The following CSMD1 variants were observed in gnomAD, a reference collection of about 807,000 sequenced individuals.
CSMD1 encodes CUB and Sushi multiple domains 1.
CSMD1 carries 213 observed loss-of-function variants against 417.5 expected under a neutral mutation model. The observed-to-expected ratio is 0.51, with a 90% CI of 0.46 to 0.57. The LOEUF is 0.57. Among genes scored for constraint, CSMD1 ranks in the 20% least tolerant of loss-of-function variants. The probability of loss-of-function intolerance (pLI) is 0.00; values close to 1 mark genes in which losing one functional copy is unlikely to be tolerated. For missense variants in CSMD1, 6,923 were observed against 4,529.7 expected, an observed-to-expected ratio of 1.53 and a Z score of -15.17; for synonymous variants, 2,862 against 1,736.8, an observed-to-expected ratio of 1.65 and a Z score of -16.11.
intron 9 of CSMD1, among the ~76,000 whole-genome samples, chr8:3,584,577 T>A (rs977996342): frequency 2.6e-5 from 4 of 152,160 alleles, no homozygotes; most frequent in African/African-American, 9.7e-5. Flanking sequence ...GAGAAAGGGC[T>A]TTGAGTTTAA....
chr8:4,028,417 G>C (rs1444791979), intron 4 of CSMD1, among the ~76,000 whole-genome samples: 2 of 152,014 alleles, frequency 1.3e-5, no homozygotes, highest in East Asian at 1.9e-4. Context: ...TGGGGTGGTG[G>C]TAGTAGTAGC....
chr8:3,278,411 G>T (rs977297547), intron 26 of CSMD1: 1 of 152,068 alleles, frequency 6.6e-6, no homozygotes, highest in African/African-American at 2.4e-5. Context: ...TATTTCACAT[G>T]TTACTGACAT....
intron 2 of CSMD1, among the ~76,000 whole-genome samples, chr8:4,547,294 G>T (rs886854969): frequency 6.6e-6 from 1 of 152,120 alleles, no homozygotes; most frequent in Non-Finnish European, 1.5e-5. Context: ...AAATGTAAAG[G>T]CATTATAACT....
intron 1 of CSMD1, among the ~76,000 whole-genome samples, chr8:4,806,177 C>G (rs752689140): frequency 3.9e-5 from 6 of 152,094 alleles, no homozygotes; most frequent in Non-Finnish European, 8.8e-5. Flanking sequence ...TGTGAAGCAC[C>G]CAGACAGCCA....
chr8:3,272,748 A>G (rs533272441), intron 26 of CSMD1, among the ~76,000 whole-genome samples: 3 of 148,426 alleles, frequency 2.0e-5, no homozygotes, highest in African/African-American at 7.5e-5. Flanking sequence ...TTGTTGGTGT[A>G]TAAGAATGCT....
rs73498556 is a variant in CSMD1 at position 4,237,155 on chromosome 8, T to C, written c.415+182798A>G. The stretch of plus-strand genomic sequence containing the variant: ...GAAGCCCTAAAGAAATTCTTACTGA[T>C]TGAAACTCATCAAGCTCCCTTCGCC... On this transcript the variant is annotated intron_variant, in intron 3 of 69. Transcript: ENST00000635120. Among the ~76,000 whole-genome samples the C allele has an allele frequency of 1.7e-3, 254 of 152,328 alleles. 2 individuals are homozygous for C. Among genetic ancestry groups the C allele is most frequent in the African/African-American group, 5.7e-3 (237 of 41,572 alleles).
At chr8:3,752,747 G>C (rs902540593) in intron 6 of CSMD1, among the ~76,000 whole-genome samples, 3 of 150,562 alleles carry the variant, frequency 2.0e-5, no homozygotes, top group Non-Finnish European at 4.4e-5. Flanking sequence ...TCTGAGGCAG[G>C]AAGTTCTGCG....
At chr8:3,986,102 G>A (rs1367776556) in intron 5 of CSMD1, among the ~76,000 whole-genome samples, 1 of 151,934 alleles carries the variant, frequency 6.6e-6, no homozygotes, top group Non-Finnish European at 1.5e-5. Context: ...TCGTATCTGG[G>A]AGCTACAAGT....
intron 18 of CSMD1, among the ~76,000 whole-genome samples, chr8:3,385,297 C>T (rs1201891592): frequency 1.3e-5 from 2 of 148,502 alleles, no homozygotes; most frequent in Admixed American, 6.8e-5. Flanking sequence ...GTATATAGGC[C>T]TTTACATTTC....
At chr8:4,015,640 G>C (rs1163672708) in intron 4 of CSMD1, among the ~76,000 whole-genome samples, 2 of 61,752 alleles carry the variant, frequency 3.2e-5, no homozygotes, top group Non-Finnish European at 6.5e-5. Flanking sequence ...TCTCAAAATA[G>C]ATAAAAATCA....
At chr8:4,258,809 G>A (rs1044716030) in intron 3 of CSMD1, among the ~76,000 whole-genome samples, 1 of 152,044 alleles carries the variant, frequency 6.6e-6, no homozygotes, top group Non-Finnish European at 1.5e-5. Context: ...AACTCTAAGG[G>A]CACAGCAGCA....
At chr8:3,196,797 T>C (rs1796729486) in intron 33 of CSMD1, among the ~76,000 whole-genome samples, 1 of 152,136 alleles carries the variant, frequency 6.6e-6, no homozygotes, top group Non-Finnish European at 1.5e-5. Flanking sequence ...TGGAGACCAG[T>C]GAGTTGTGAG....
chr8:3,643,296 G>C (rs559382899), intron 7 of CSMD1, among the ~76,000 whole-genome samples: 1 of 152,018 alleles, frequency 6.6e-6, no homozygotes, highest in Non-Finnish European at 1.5e-5. Flanking sequence ...ATGGAAAGGA[G>C]GGACGGGCAA....
chr8:4,272,251 C>A (rs1451623227), intron 3 of CSMD1, among the ~76,000 whole-genome samples: 1 of 152,100 alleles, frequency 6.6e-6, no homozygotes, highest in Non-Finnish European at 1.5e-5. Flanking sequence ...TTAATAGGTT[C>A]TTCGAATCTG....
intron 10 of CSMD1, among the ~76,000 whole-genome samples, chr8:3,535,212 C>G (rs1424360118): frequency 1.3e-5 from 2 of 152,080 alleles, no homozygotes; most frequent in Non-Finnish European, 2.9e-5. Flanking sequence ...TTTCAGCCTC[C>G]CAAGCTCTAG....
At chr8:4,898,060 T>A (rs551544409) in intron 1 of CSMD1, among the ~76,000 whole-genome samples, 30 of 152,280 alleles carry the variant, frequency 2.0e-4, no homozygotes, top group Admixed American at 3.9e-4. Flanking sequence ...TTGGTTTTAT[T>A]AGTTGGAAAT....
chr8:3,721,038 G>A (rs1263616374), intron 6 of CSMD1, among the ~76,000 whole-genome samples: 2 of 151,872 alleles, frequency 1.3e-5, no homozygotes, highest in Non-Finnish European at 2.9e-5. Context: ...AGTCACGCTG[G>A]TCTCAAACTC....
intron 2 of CSMD1, among the ~76,000 whole-genome samples, chr8:4,539,030 A>G (rs1361661539): frequency 6.6e-6 from 1 of 152,216 alleles, no homozygotes; most frequent in Non-Finnish European, 1.5e-5. Flanking sequence ...AGGCAACGTT[A>G]TCCTCCATTG....
intron 2 of CSMD1, among the ~76,000 whole-genome samples, chr8:4,486,025 T>C (rs1283023785): frequency 6.6e-6 from 1 of 151,598 alleles, no homozygotes; most frequent in Admixed American, 6.6e-5. Context: ...TATTTTTTTC[T>C]AGCAATCCTG....
Sources: allele counts gnomAD v4.1 joint callset (sites outside exome capture counted in the v4.1 genomes callset), GRCh38; gene constraint gnomAD v4.1.1; transcripts MANE v1.5; gene names NCBI Gene and HGNC (gene_info 2026-07-23, HGNC 2026-07-21).